Variants in LYG2 observed in about 807,000 individuals in gnomAD.
LYG2 encodes the protein lysozyme g2, also known as lysozyme g-like protein 2.
LYG2 carries 25 observed loss-of-function variants against 22.4 expected under a neutral mutation model. The ratio of observed to expected loss-of-function variants is 1.12; its 90% confidence interval spans 0.81 to 1.56. The LOEUF is 1.56. LYG2 is among the 40% of genes most tolerant of loss of function. The pLI, the probability that LYG2 is intolerant of heterozygous loss-of-function variation, is 0.00. For missense variants in LYG2, 266 were observed against 269.5 expected (o/e 0.99, Z 0.09); for synonymous variants, 88 against 97.0 (o/e 0.91, Z 0.55).
At chr2:99,243,613 G>A in intron 6 of LYG2, 1 of 1,005,640 alleles carries the variant, frequency 9.9e-7, no homozygotes, top group Non-Finnish European at 1.4e-6. Flanking sequence ...AATGCTCACT[G>A]CAGCCTTAAC....
chr2:99,258,324 C>T (rs916216841), upstream of LYG2, among the ~76,000 whole-genome samples: 18 of 152,218 alleles, frequency 1.2e-4, no homozygotes, highest in African/African-American at 4.3e-4. Context: ...TTATAAACTA[C>T]AGTGCTTCAT....
chr2:99,251,103 GAGTA>G (rs1232043187), intron 3 of LYG2, among the ~76,000 whole-genome samples: 19 of 152,172 alleles, frequency 1.2e-4, no homozygotes, highest in African/African-American at 9.7e-5. Context: ...GTTATGGAGA[GAGTA>G]AGAGGAAGGT....
chr2:99,256,771 C>G (rs556151041), upstream of LYG2, among the ~76,000 whole-genome samples: 2 of 152,334 alleles, frequency 1.3e-5, no homozygotes, highest in East Asian at 3.9e-4. Context: ...CAGGCTTCTG[C>G]AACTCAACCA....
intron 5 of LYG2, 75 bp from the exon 6 acceptor site, chr2:99,244,212 C>T: frequency 6.7e-7 from 1 of 1,483,508 alleles, no homozygotes; most frequent in Non-Finnish European, 9.2e-7. Context: ...ATTTCCTCTC[C>T]TGGTATTCAA....
At position 99,252,546 on chromosome 2, in the gene LYG2, G is replaced by T. The variant is rs1333712653; in HGVS notation, c.43+1672C>A. On this transcript the variant is annotated intron_variant, in intron 3 of 6. Transcript: ENST00000333017. ...CTGGAACAATGCTTGGCACAAAGTAGACATTTAATAAACATTTGCTGAATG... is the reference window on the plus strand; with the variant it reads ...CTGGAACAATGCTTGGCACAAAGTATACATTTAATAAACATTTGCTGAATG... Among the ~76,000 whole-genome samples the T allele has an allele frequency of 3.3e-5, 5 of 152,132 alleles. No homozygotes were observed. In the East Asian group the frequency reaches 7.7e-4, roughly 23 times the overall value.
At chr2:99,243,928 C>T (rs1172740433) in intron 6 of LYG2, 71 bp downstream of exon 6, 2 of 1,583,572 alleles carry the variant, frequency 1.3e-6, no homozygotes, top group Non-Finnish European at 1.7e-6. Context: ...CCCAGGGAGT[C>T]TCGGGTCACA....
In LYG2 at chr2:99,254,304, G is replaced by C; in HGVS notation, c.-25-19C>G. 6.3e-7 allele frequency: 1 copy of C among 1,580,694 alleles called. No homozygotes were observed. The highest frequency in any genetic ancestry group is 8.6e-7 in the Non-Finnish European group (1 of 1,159,684). ...CCAGGACCTGCTCTGATTTGAAATA[G>C]AAACTGGTTAATTTTAAAACCTGAA... On this transcript the variant is annotated intron_variant, in intron 2 of 6. Transcript: ENST00000333017.
rs1051890811 is a variant in LYG2, at chr2:99,251,971, AT to A, written c.43+2246del. On this transcript the variant is annotated intron_variant, in intron 3 of 6. Transcript: ENST00000333017. Reference sequence around the variant, plus strand: ...CCACCACACCTGGCTAATTTTTTGTATTTTTAGTAGAGATGGTGTATCACTG... The same window carrying A: ...CCACCACACCTGGCTAATTTTTTGTATTTTAGTAGAGATGGTGTATCACTG... Among the ~76,000 whole-genome samples the A allele has an allele frequency of 2.0e-5, 2 of 99,676 alleles. 1 individual carries two copies. The highest frequency in any genetic ancestry group is 6.6e-5 in the African/African-American group (2 of 30,528). 65.4% of individuals were successfully genotyped at this position (99,676 alleles called of 152,430 possible).
chr2:99,242,990 T>C (rs1225487887), intron 6 of LYG2, among the ~76,000 whole-genome samples: 1 of 152,214 alleles, frequency 6.6e-6, no homozygotes, highest in Non-Finnish European at 1.5e-5. Context: ...CTCTAGTAGT[T>C]ATGTATGTGT....
rs201550613 is a variant in LYG2 at position 99,244,357 on chromosome 2, CA to C, written c.382-221del. ...AGTTTTAGCTAAACATTCTAATATA[CA>C]AAAAAAAAATTTAAGTTGTTTTGAA... On this transcript the variant is annotated intron_variant, in intron 5 of 6. Coordinates refer to ENST00000333017, the MANE Select transcript of LYG2 (RefSeq NM_175735.4). Among the ~76,000 whole-genome samples the C allele has an allele frequency of 1.7e-3, 254 of 148,540 alleles. 2 individuals are homozygous for C. The highest frequency in any genetic ancestry group is 8.2e-3 in the Admixed American group (122 of 14,882).
At chr2:99,252,829 G>A (rs1310808552) in intron 3 of LYG2, among the ~76,000 whole-genome samples, 1 of 151,860 alleles carries the variant, frequency 6.6e-6, no homozygotes, top group East Asian at 1.9e-4. Context: ...GACGGATCAC[G>A]AGGTCAGGAG....
upstream of LYG2, among the ~76,000 whole-genome samples, chr2:99,255,819 G>C (rs1032290295): frequency 6.6e-6 from 1 of 152,120 alleles, no homozygotes; most frequent in Admixed American, 6.6e-5. Context: ...GTGCTCATTT[G>C]CCCATACTTG....
intron 6 of LYG2, chr2:99,243,406 ACTCACAGAG>A: frequency 6.5e-7 from 1 of 1,548,652 alleles, no homozygotes; most frequent in Non-Finnish European, 8.7e-7. Flanking sequence ...TCCCGAAAAT[ACTCACAGAG>A]TAACATTGTT....
chr2:99,254,165 G>A (rs372269079), intron 3 of LYG2, 53 bp downstream of exon 3: 678 of 1,479,876 alleles, frequency 4.6e-4, no homozygotes, highest in Non-Finnish European at 6.1e-4. Context: ...GATTGTGCTG[G>A]AGGTTTTTGT....
upstream of LYG2, among the ~76,000 whole-genome samples, chr2:99,260,306 C>G (rs1247456439): frequency 2.6e-5 from 4 of 152,164 alleles, no homozygotes; most frequent in Non-Finnish European, 1.5e-5. Flanking sequence ...AGGTATAATT[C>G]ACATATCATA....
At chr2:99,259,143 G>T (rs1030308021), upstream of LYG2, among the ~76,000 whole-genome samples, 2 of 151,548 alleles carry the variant, frequency 1.3e-5, no homozygotes, top group African/African-American at 4.9e-5. Context: ...GTACTGTTCA[G>T]CAGTTTCTAA....
At position 99,246,917 on chromosome 2, in the gene LYG2, A is replaced by G. The variant is rs2094017044; in HGVS notation, c.44-97T>C. 41 of 1,170,032 alleles carry G rather than the reference A, an allele frequency of 3.5e-5. No homozygotes were observed. The South Asian group carries it at 5.9e-4, about 17-fold the overall frequency. 72.5% of individuals were successfully genotyped at this position (1,170,032 alleles called of 1,614,324 possible). A position where few individuals can be genotyped will look rare whatever the true frequency, so the allele number is the denominator to read the frequency against. On this transcript the variant is annotated intron_variant, in intron 3 of 6. Coordinates refer to ENST00000333017, the MANE Select transcript of LYG2 (RefSeq NM_175735.4). ...CTAAACCAAAGGCAGAAGGCCACAGACAGAACTCCCCAACTCTCTTGTTGC... is the reference window on the plus strand; with the variant it reads ...CTAAACCAAAGGCAGAAGGCCACAGGCAGAACTCCCCAACTCTCTTGTTGC...
intron 3 of LYG2, 91 bp downstream of exon 3, chr2:99,254,127 C>T (rs1398038665): frequency 1.8e-6 from 2 of 1,119,668 alleles, no homozygotes; most frequent in African/African-American, 1.5e-5. Context: ...TCTTCCATTA[C>T]AGGTAATCAT....
chr2:99,254,627 C>G (rs867492714), intron 2 of LYG2, among the ~76,000 whole-genome samples: 19 of 151,968 alleles, frequency 1.3e-4, no homozygotes, highest in African/African-American at 4.4e-4. Context: ...TCTTTTCATT[C>G]TAGTTATTCA....
Sources: gnomAD v4.1 joint callset for allele counts (sites outside exome capture counted in the v4.1 genomes callset) on GRCh38, gnomAD v4.1.1 for gene constraint, MANE v1.5 for transcripts, NCBI Gene and HGNC (gene_info 2026-07-23, HGNC 2026-07-21) for gene names.